Variants in MAN1A1 observed in about 807,000 individuals in gnomAD.
MAN1A1 encodes mannosidase alpha class 1A member 1.
Under a neutral mutation model 70.8 loss-of-function variants are expected in MAN1A1, and 29 were observed. The observed-to-expected ratio is 0.41, with a 90% CI of 0.31 to 0.56. The LOEUF (loss-of-function observed/expected upper bound fraction) is 0.56. Among genes scored for constraint, MAN1A1 ranks in the 20% least tolerant of loss-of-function variants. The probability of loss-of-function intolerance (pLI) is 0.29; values close to 1 mark genes in which losing one functional copy is unlikely to be tolerated. For missense variants in MAN1A1, 747 were observed against 841.3 expected (o/e 0.89, Z 1.39); for synonymous variants, 349 against 330.1 (o/e 1.06, Z -0.62).
chr6:119,254,858 C>T (rs1214936976), intron 5 of MAN1A1, among the ~76,000 whole-genome samples: 1 of 152,188 alleles, frequency 6.6e-6, no homozygotes, highest in Middle Eastern at 3.4e-3. Flanking sequence ...ATGTAACTAA[C>T]AAATAACTTT....
chr6:119,191,367 A>T (rs1191494761), intron 9 of MAN1A1, among the ~76,000 whole-genome samples: 1 of 152,178 alleles, frequency 6.6e-6, no homozygotes, highest in Non-Finnish European at 1.5e-5. Flanking sequence ...GATCCTAAAT[A>T]AAGTATTTCT....
intron 6 of MAN1A1, among the ~76,000 whole-genome samples, chr6:119,237,630 G>A (rs1774889016): frequency 6.6e-6 from 1 of 152,090 alleles, no homozygotes; most frequent in African/African-American, 2.4e-5. Flanking sequence ...AGGAAATCTG[G>A]ATGGGCACTA....
At chr6:119,224,692 C>G (rs1236525050) in intron 6 of MAN1A1, among the ~76,000 whole-genome samples, 1 of 152,122 alleles carries the variant, frequency 6.6e-6, no homozygotes, top group East Asian at 1.9e-4. Flanking sequence ...CAACAATGAA[C>G]AGAAATGGAC....
At position 119,204,831 on chromosome 6, in the gene MAN1A1, T is replaced by G. The variant is rs746554433; in HGVS notation, c.1044A>C (p.Ala348=). 6.2e-7 allele frequency: 1 copy of G among 1,614,030 alleles called. No homozygotes were observed. Among genetic ancestry groups the G allele is most frequent in the East Asian group, 2.2e-5 (1 of 44,876 alleles). ...ACTCCAAATGCAGGGTTCCAAATTC[T>G]GCCAGAATACTGCTGCCTCCAGAGG... ...PWASGGSSIL[A]EFGTLHLEFM... The change falls in exon 7 of 13, where the codon GCA becomes GCC. Residue 348 remains alanine, a synonymous_variant. Transcript: ENST00000368468.
chr6:119,180,268 T>C, intron 12 of MAN1A1, 44 bp downstream of exon 12: 1 of 1,328,230 alleles, frequency 7.5e-7, no homozygotes, highest in East Asian at 2.3e-5. Context: ...CAAAGATCTG[T>C]TCAGGTACCT....
At chr6:119,182,388 T>C (rs1773174549) in intron 11 of MAN1A1, among the ~76,000 whole-genome samples, 1 of 152,216 alleles carries the variant, frequency 6.6e-6, no homozygotes, top group Admixed American at 6.5e-5. Context: ...TTTGCTTTTG[T>C]TGCCTGTGTT....
At chr6:119,188,310 A>T (rs1015450537) in intron 11 of MAN1A1, 95 bp downstream of exon 11, 2 of 1,192,740 alleles carry the variant, frequency 1.7e-6, no homozygotes, top group African/African-American at 3.1e-5. Flanking sequence ...AGCATTAAAA[A>T]TTATAGAAAA....
chr6:119,342,972 A>G (rs185523063), intron 2 of MAN1A1, among the ~76,000 whole-genome samples: 1 of 152,238 alleles, frequency 6.6e-6, no homozygotes, highest in East Asian at 1.9e-4. Context: ...AATGATTACA[A>G]ATGCCTGTGC....
rs1294611432 is a variant in MAN1A1 at position 119,349,272 on chromosome 6, C to T, written c.-207G>A. On this transcript the variant is annotated 5_prime_UTR_variant, in exon 2 of 13. Coordinates refer to ENST00000368468, the MANE Select transcript of MAN1A1 (RefSeq NM_005907.4). ...CGGGCACACAGGCACGCGCGACAGA[C>T]CGCTGGCTGCAGCCCCTGCGGGGAG... 2.5e-6 allele frequency: 3 copies of T among 1,212,804 alleles called. No homozygotes were observed. Among genetic ancestry groups the T allele is most frequent in the Middle Eastern group, 6.4e-4 (2 of 3,118 alleles). The allele number at this position is 1,212,804 out of a possible 1,614,324, so 75.1% of individuals were successfully genotyped here.
At chr6:119,231,922 T>C (rs750478654) in intron 6 of MAN1A1, among the ~76,000 whole-genome samples, 2 of 152,180 alleles carry the variant, frequency 1.3e-5, no homozygotes, top group Non-Finnish European at 2.9e-5. Flanking sequence ...TTTAACTCTT[T>C]AGAGAAAGAT....
At chr6:119,188,137 G>T (rs1170973817) in intron 11 of MAN1A1, among the ~76,000 whole-genome samples, 1 of 152,102 alleles carries the variant, frequency 6.6e-6, no homozygotes, top group Admixed American at 6.5e-5. Context: ...TTGTATTAAT[G>T]GGAACTTAAT....
At chr6:119,222,727 T>C (rs1179416010) in intron 6 of MAN1A1, among the ~76,000 whole-genome samples, 1 of 152,174 alleles carries the variant, frequency 6.6e-6, no homozygotes. Flanking sequence ...TTTTCTACAG[T>C]TTGAAAAATG....
At chr6:119,314,382 G>A (rs956140562) in intron 2 of MAN1A1, among the ~76,000 whole-genome samples, 1 of 151,480 alleles carries the variant, frequency 6.6e-6, no homozygotes, top group Non-Finnish European at 1.5e-5. Context: ...TATGGAGGCC[G>A]AGGCTGTAAA....
intron 11 of MAN1A1, among the ~76,000 whole-genome samples, chr6:119,183,416 G>A (rs1281166615): frequency 6.9e-6 from 1 of 144,586 alleles, no homozygotes; most frequent in Non-Finnish European, 1.5e-5. Flanking sequence ...CTTTTTTTTT[G>A]ACAAAGAGTC....
intron 6 of MAN1A1, among the ~76,000 whole-genome samples, chr6:119,215,898 G>A (rs1314058102): frequency 6.6e-6 from 1 of 152,204 alleles, no homozygotes; most frequent in Non-Finnish European, 1.5e-5. Flanking sequence ...CTGATGAGAA[G>A]CTTCTTTAGA....
At chr6:119,291,127 C>T (rs973929442) in intron 4 of MAN1A1, among the ~76,000 whole-genome samples, 105 of 152,024 alleles carry the variant, frequency 6.9e-4, no homozygotes, top group African/African-American at 2.5e-3. Flanking sequence ...TGGGAGATAA[C>T]TGAATCATGG....
chr6:119,315,384 T>TA (rs1318634285), intron 2 of MAN1A1, among the ~76,000 whole-genome samples: 1 of 152,206 alleles, frequency 6.6e-6, no homozygotes, highest in Non-Finnish European at 1.5e-5. Flanking sequence ...AAGCCAGTTT[T>TA]AAAAAATGAG....
At chr6:119,249,264 AGGCC>A (rs1775254155) in intron 5 of MAN1A1, among the ~76,000 whole-genome samples, 1 of 152,234 alleles carries the variant, frequency 6.6e-6, no homozygotes, top group South Asian at 2.1e-4. Flanking sequence ...TCCACAGCTC[AGGCC>A]AAAACATGGA....
intron 2 of MAN1A1, among the ~76,000 whole-genome samples, chr6:119,307,797 C>G (rs1468700303): frequency 6.6e-6 from 1 of 152,022 alleles, no homozygotes. Context: ...ACTCAGTAAT[C>G]AAAATATGGA....
Sources: gnomAD v4.1 joint callset for allele counts (sites outside exome capture counted in the v4.1 genomes callset) on GRCh38, gnomAD v4.1.1 for gene constraint, MANE v1.5 for transcripts, NCBI Gene and HGNC (gene_info 2026-07-23, HGNC 2026-07-21) for gene names.